The following PITPNC1 variants were observed in gnomAD, a reference collection of about 807,000 sequenced individuals.
PITPNC1 encodes the protein cytoplasmic phosphatidylinositol transfer protein 1.
Under a neutral mutation model 44.7 loss-of-function variants are expected in PITPNC1, and 18 were observed. The observed-to-expected ratio is 0.40, with a 90% CI of 0.28 to 0.60. The LOEUF (loss-of-function observed/expected upper bound fraction) is 0.60, where lower values mean the gene tolerates loss of function less well. Among genes scored for constraint, PITPNC1 ranks in the 20% least tolerant of loss-of-function variants. The pLI is 0.39. For missense variants in PITPNC1, 290 were observed against 418.4 expected, an observed-to-expected ratio of 0.69 and a Z score of 2.68; for synonymous variants, 141 against 149.6, an observed-to-expected ratio of 0.94 and a Z score of 0.42.
At chr17:67,502,982 G>A (rs2040055043) in intron 1 of PITPNC1, among the ~76,000 whole-genome samples, 1 of 151,964 alleles carries the variant, frequency 6.6e-6, no homozygotes, top group Admixed American at 6.6e-5. Context: ...TTTCAGTAGA[G>A]ACGGGGTCTC....
chr17:67,516,737 G>C (rs1316460447), intron 1 of PITPNC1, among the ~76,000 whole-genome samples: 1 of 152,156 alleles, frequency 6.6e-6, no homozygotes, highest in Non-Finnish European at 1.5e-5. Flanking sequence ...TCCCGCCTCA[G>C]CCTCCCAAGT....
intron 8 of PITPNC1, among the ~76,000 whole-genome samples, chr17:67,690,817 T>C (rs1305118201): frequency 6.6e-6 from 1 of 151,802 alleles, no homozygotes; most frequent in Non-Finnish European, 1.5e-5. Flanking sequence ...ATAATAACAG[T>C]AATAAGGCTG....
At chr17:67,380,386 T>A (rs1567968349) in intron 1 of PITPNC1, among the ~76,000 whole-genome samples, 2 of 152,154 alleles carry the variant, frequency 1.3e-5, no homozygotes, top group East Asian at 3.9e-4. Context: ...GCCCTTCCTT[T>A]CTTAATTGGC....
At chr17:67,394,828 G>T (rs1352168005) in intron 1 of PITPNC1, among the ~76,000 whole-genome samples, 1 of 152,018 alleles carries the variant, frequency 6.6e-6, no homozygotes, top group Admixed American at 6.6e-5. Flanking sequence ...CCGGGAGGCG[G>T]AGCTTGCAGT....
At chr17:67,468,758 A>C (rs1477329603) in intron 1 of PITPNC1, among the ~76,000 whole-genome samples, 1 of 150,614 alleles carries the variant, frequency 6.6e-6, no homozygotes, top group Non-Finnish European at 1.5e-5. Flanking sequence ...GTGCAGTGGC[A>C]CTATCTCGGC....
At chr17:67,651,284 G>A (rs567285539) in intron 6 of PITPNC1, among the ~76,000 whole-genome samples, 1 of 152,096 alleles carries the variant, frequency 6.6e-6, no homozygotes, top group Non-Finnish European at 1.5e-5. Flanking sequence ...AGGCCAAGGC[G>A]GGTGGATCAC....
chr17:67,443,136 C>T (rs917071009), intron 1 of PITPNC1, among the ~76,000 whole-genome samples: 16 of 152,150 alleles, frequency 1.1e-4, no homozygotes, highest in African/African-American at 2.9e-4. Flanking sequence ...CTGGCCCCCA[C>T]CTAACCCACC....
chr17:67,696,140 G>T lies in PITPNC1; in HGVS notation c.*3252G>T, dbSNP rs190367407. 9.9e-4 allele frequency: 151 copies of T among 152,180 alleles called. No homozygotes were observed. The highest frequency in any genetic ancestry group is 3.5e-3 in the African/African-American group (146 of 41,536). 9.4% of individuals were successfully genotyped at this position (152,180 alleles called of 1,614,324 possible). On this transcript the variant is annotated 3_prime_UTR_variant, in exon 9 of 9. Coordinates refer to ENST00000581322, the MANE Select transcript of PITPNC1 (RefSeq NM_012417.4). Reference sequence around the variant, plus strand: ...GGAAGTATTTATTAGCCATGTTGTTGGTCCTGAAAATAAATCTCTAAGTAG... The same window carrying T: ...GGAAGTATTTATTAGCCATGTTGTTTGTCCTGAAAATAAATCTCTAAGTAG...
At chr17:67,434,797 C>CA (rs148706274) in intron 1 of PITPNC1, among the ~76,000 whole-genome samples, 6 of 51,794 alleles carry the variant, frequency 1.2e-4, no homozygotes, top group East Asian at 6.3e-4. Context: ...GACTCTGCCT[C>CA]AAAAAAAAAA....
chr17:67,463,283 G>C (rs2039371164), intron 1 of PITPNC1, among the ~76,000 whole-genome samples: 1 of 152,146 alleles, frequency 6.6e-6, no homozygotes, highest in Non-Finnish European at 1.5e-5. Context: ...GGGTAGGGGG[G>C]ATTGAAAGCT....
At chr17:67,478,902 T>C (rs1476522726) in intron 1 of PITPNC1, among the ~76,000 whole-genome samples, 17 of 151,494 alleles carry the variant, frequency 1.1e-4, no homozygotes, top group Non-Finnish European at 4.4e-5. Context: ...TTTTTTTTAA[T>C]ATATATATAT....
chr17:67,677,675 C>A (rs998558368), intron 8 of PITPNC1, among the ~76,000 whole-genome samples: 4 of 151,790 alleles, frequency 2.6e-5, no homozygotes, highest in African/African-American at 9.7e-5. Context: ...TCAAGCGATT[C>A]TCCTTGCCTC....
chr17:67,518,581 C>A (rs2040286192), intron 1 of PITPNC1, among the ~76,000 whole-genome samples: 1 of 152,088 alleles, frequency 6.6e-6, no homozygotes, highest in South Asian at 2.1e-4. Flanking sequence ...CAAGAGAGAA[C>A]CTACAGTTGA....
intron 4 of PITPNC1, among the ~76,000 whole-genome samples, chr17:67,569,414 G>T (rs2041022577): frequency 6.6e-6 from 1 of 152,174 alleles, no homozygotes; most frequent in Admixed American, 6.5e-5. Context: ...AACCTCACTT[G>T]TCTTTCCTGG....
intron 5 of PITPNC1, among the ~76,000 whole-genome samples, chr17:67,606,033 A>C (rs1255507867): frequency 6.6e-6 from 1 of 152,034 alleles, no homozygotes; most frequent in Admixed American, 6.6e-5. Flanking sequence ...CTCTCTCCAC[A>C]CTCCACCTCA....
chr17:67,506,845 T>A (rs1441204434), intron 1 of PITPNC1, among the ~76,000 whole-genome samples: 1 of 152,234 alleles, frequency 6.6e-6, no homozygotes, highest in Non-Finnish European at 1.5e-5. Flanking sequence ...ATATTCAGTA[T>A]AATTTTCATC....
intron 1 of PITPNC1, among the ~76,000 whole-genome samples, chr17:67,497,302 C>T (rs1405833842): frequency 6.6e-6 from 1 of 151,588 alleles, no homozygotes; most frequent in South Asian, 2.1e-4. Context: ...TCACTGCAAC[C>T]TCCGATTCCC....
intron 1 of PITPNC1, among the ~76,000 whole-genome samples, chr17:67,516,429 GTGT>G (rs1456574984): frequency 6.6e-6 from 1 of 152,182 alleles, no homozygotes; most frequent in Non-Finnish European, 1.5e-5. Flanking sequence ...CTTCCTCATT[GTGT>G]TGTTGTGAGG....
At chr17:67,540,028 G>A (rs1007879372) in intron 2 of PITPNC1, among the ~76,000 whole-genome samples, 2 of 152,016 alleles carry the variant, frequency 1.3e-5, no homozygotes, top group African/African-American at 4.8e-5. Flanking sequence ...GGAGGGAGAG[G>A]AATGAGTTGG....
Sources: allele counts gnomAD v4.1 joint callset (sites outside exome capture counted in the v4.1 genomes callset), GRCh38; gene constraint gnomAD v4.1.1; transcripts MANE v1.5; gene names NCBI Gene and HGNC (gene_info 2026-07-23, HGNC 2026-07-21).